The following MARCHF1 variants were observed in gnomAD, a reference collection of about 807,000 sequenced individuals.
MARCHF1 encodes the protein E3 ubiquitin-protein ligase MARCHF1.
In MARCHF1, 40 loss-of-function variants were observed where a neutral mutation model predicts 54.2. The observed-to-expected ratio is 0.74, with a 90% confidence interval of 0.57 to 0.96. The LOEUF is 0.96. Ranked by LOEUF, MARCHF1 falls within the 40% of genes least tolerant of loss-of-function variation. MARCHF1 has a pLI of 0.00. For missense variants in MARCHF1, 586 were observed against 656.5 expected, an observed-to-expected ratio of 0.89 and a Z score of 1.17; for synonymous variants, 236 against 236.3, an observed-to-expected ratio of 1.00 and a Z score of 0.01.
intron 3 of MARCHF1, among the ~76,000 whole-genome samples, chr4:163,921,335 C>T (rs1191570401): frequency 6.6e-6 from 1 of 151,810 alleles, no homozygotes; most frequent in Admixed American, 6.6e-5. Context: ...TATCATACTT[C>T]GATTTTTATG....
intron 2 of MARCHF1, among the ~76,000 whole-genome samples, chr4:164,075,158 G>A (rs1297106202): frequency 2.0e-5 from 3 of 152,144 alleles, no homozygotes; most frequent in African/African-American, 7.2e-5. Flanking sequence ...CAGCAAAAGT[G>A]TCAAGAAACT....
intron 2 of MARCHF1, among the ~76,000 whole-genome samples, chr4:164,008,439 A>G (rs771930242): frequency 5.3e-5 from 8 of 152,126 alleles, no homozygotes; most frequent in Admixed American, 1.3e-4. Context: ...GACAGAAAAT[A>G]AAATGAAAAA....
At chr4:163,857,893 AGT>A (rs140306117) in intron 3 of MARCHF1, among the ~76,000 whole-genome samples, 7,890 of 152,252 alleles carry the variant, frequency 0.052, 570 homozygotes, top group African/African-American at 0.16. Context: ...TTTGTAAGAC[AGT>A]GTGATAGGAG....
chr4:163,636,159 G>A (rs536665881), intron 5 of MARCHF1, among the ~76,000 whole-genome samples: 2 of 152,250 alleles, frequency 1.3e-5, no homozygotes, highest in South Asian at 2.1e-4. Context: ...GAAAAAACTG[G>A]AAGCATTCCG....
chr4:164,078,650 C>G (rs1458960962), intron 2 of MARCHF1, among the ~76,000 whole-genome samples: 1 of 152,054 alleles, frequency 6.6e-6, no homozygotes, highest in Non-Finnish European at 1.5e-5. Context: ...TGAAAAAGAA[C>G]TACATAGAAC....
At chr4:164,219,799 G>A (rs190274063) in intron 1 of MARCHF1, among the ~76,000 whole-genome samples, 8 of 152,030 alleles carry the variant, frequency 5.3e-5, no homozygotes, top group African/African-American at 1.4e-4. Flanking sequence ...TGGGCAATAT[G>A]TCTTTTCAAT....
intron 2 of MARCHF1, among the ~76,000 whole-genome samples, chr4:164,029,662 T>G (rs933240185): frequency 6.6e-6 from 1 of 152,158 alleles, no homozygotes; most frequent in African/African-American, 2.4e-5. Context: ...TGGTGGCATC[T>G]CAGCTCACTG....
At chr4:164,044,975 A>C (rs892192781) in intron 2 of MARCHF1, among the ~76,000 whole-genome samples, 3 of 152,162 alleles carry the variant, frequency 2.0e-5, no homozygotes, top group Admixed American at 6.5e-5. Context: ...AACTCAGAAA[A>C]ATAAAACTTA....
chr4:163,731,722 G>T (rs543449751), intron 4 of MARCHF1, among the ~76,000 whole-genome samples: 5 of 152,138 alleles, frequency 3.3e-5, no homozygotes, highest in Non-Finnish European at 7.3e-5. Context: ...CACTCAAAAG[G>T]ATTAGTAGAC....
At chr4:164,113,746 A>G (rs368271860) in intron 1 of MARCHF1, among the ~76,000 whole-genome samples, 1 of 152,026 alleles carries the variant, frequency 6.6e-6, no homozygotes. Flanking sequence ...ACCATTAGAC[A>G]TGAGATTTAT....
chr4:163,988,464 T>G (rs1752911530), intron 3 of MARCHF1, 37 bp downstream of exon 3: 1 of 152,258 alleles, frequency 6.6e-6, no homozygotes. Context: ...AACAGTGGCT[T>G]GGCTCTCTGA....
chr4:163,989,235 C>G (rs1752926102), intron 2 of MARCHF1, among the ~76,000 whole-genome samples: 2 of 151,448 alleles, frequency 1.3e-5, no homozygotes, highest in Non-Finnish European at 2.9e-5. Flanking sequence ...CTGCTTAGGT[C>G]AAAGGATCTG....
rs1246999786 is a variant in MARCHF1, at chr4:164,105,798, C to A, written c.-248+5790G>T. On this transcript the variant is annotated intron_variant, in intron 2 of 9. Coordinates refer to ENST00000514618, the MANE Select transcript of MARCHF1 (RefSeq NM_001394959.1). ...ATTAAACTAAAGAGCTTCTGCACAGCAAAAGAAACTACCATCAGAGTGAAC... is the reference window on the plus strand; with the variant it reads ...ATTAAACTAAAGAGCTTCTGCACAGAAAAAGAAACTACCATCAGAGTGAAC... Among the ~76,000 whole-genome samples, 8 of 134,060 alleles carry A rather than the reference C, an allele frequency of 6.0e-5. No homozygotes were observed. In the East Asian group the frequency reaches 1.6e-3, roughly 27 times the overall value. 87.9% of individuals were successfully genotyped at this position (134,060 alleles called of 152,430 possible).
At chr4:163,986,836 C>A (rs928809267) in intron 3 of MARCHF1, among the ~76,000 whole-genome samples, 1 of 152,032 alleles carries the variant, frequency 6.6e-6, no homozygotes, top group African/African-American at 2.4e-5. Context: ...CTAATTCAGG[C>A]CAAGTAGACA....
At chr4:163,739,488 G>T (rs1746135935) in intron 4 of MARCHF1, among the ~76,000 whole-genome samples, 1 of 152,184 alleles carries the variant, frequency 6.6e-6, no homozygotes, top group Admixed American at 6.5e-5. Context: ...TGTGGTAAGT[G>T]TTATAGAACA....
intron 1 of MARCHF1, among the ~76,000 whole-genome samples, chr4:164,185,434 A>G (rs986159844): frequency 6.6e-6 from 1 of 152,212 alleles, no homozygotes; most frequent in Non-Finnish European, 1.5e-5. Context: ...AGTCCTGCAC[A>G]TGTCAAATAA....
At chr4:163,799,635 A>G (rs1055332033) in intron 4 of MARCHF1, among the ~76,000 whole-genome samples, 1 of 152,116 alleles carries the variant, frequency 6.6e-6, no homozygotes, top group African/African-American at 2.4e-5. Flanking sequence ...CAAAACATAC[A>G]ATATCTTTAT....
At chr4:163,977,682 T>A (rs1033744571) in intron 3 of MARCHF1, among the ~76,000 whole-genome samples, 1 of 152,200 alleles carries the variant, frequency 6.6e-6, no homozygotes, top group African/African-American at 2.4e-5. Context: ...TTTAATGAAG[T>A]CATCATTGTG....
intron 5 of MARCHF1, among the ~76,000 whole-genome samples, chr4:163,682,794 G>A (rs142755129): frequency 0.017 from 2,548 of 152,216 alleles, 48 homozygotes; most frequent in South Asian, 0.055. Context: ...GGACATGTTT[G>A]CCTCCCCTTC....
Sources: allele counts gnomAD v4.1 joint callset (sites outside exome capture counted in the v4.1 genomes callset), GRCh38; gene constraint gnomAD v4.1.1; transcripts MANE v1.5; gene names NCBI Gene and HGNC (gene_info 2026-07-23, HGNC 2026-07-21).